The following CHD6 variants were observed in gnomAD, a reference collection of about 807,000 sequenced individuals.
The protein encoded by CHD6 is ATP-dependent chromatin remodeler CHD6.
A neutral mutation model predicts 276.9 loss-of-function variants in CHD6; 50 were observed. That is an observed-to-expected ratio of 0.18 (90% CI 0.14 to 0.23). The LOEUF is 0.23. Among genes scored for constraint, CHD6 ranks in the 10% least tolerant of loss-of-function variants. The pLI is 1.00. For missense variants in CHD6, 2,564 were observed against 3,365.8 expected (o/e 0.76, Z 5.89); for synonymous variants, 1,173 against 1,229.3 (o/e 0.95, Z 0.96).
chr20:41,564,479 T>C (rs918496626), intron 1 of CHD6, among the ~76,000 whole-genome samples: 2 of 152,088 alleles, frequency 1.3e-5, no homozygotes, highest in Non-Finnish European at 2.9e-5. Context: ...AAGGTAAAAT[T>C]GTAGGAACAA....
chr20:41,493,156 G>C (rs2043596475), intron 10 of CHD6, among the ~76,000 whole-genome samples: 1 of 151,988 alleles, frequency 6.6e-6, no homozygotes. Context: ...GAGTGAAGAA[G>C]GGAAAATCAA....
intron 1 of CHD6, among the ~76,000 whole-genome samples, chr20:41,570,509 C>T (rs1262484399): frequency 6.6e-6 from 1 of 152,194 alleles, no homozygotes; most frequent in African/African-American, 2.4e-5. Flanking sequence ...GCTAATTTCA[C>T]CACTTATGCT....
At chr20:41,466,981 C>G (rs1357787801) in intron 17 of CHD6, among the ~76,000 whole-genome samples, 1 of 152,138 alleles carries the variant, frequency 6.6e-6, no homozygotes, top group African/African-American at 2.4e-5. Flanking sequence ...GAGATGGAAC[C>G]AAGAGGCTGT....
intron 1 of CHD6, among the ~76,000 whole-genome samples, chr20:41,589,641 C>T (rs1186585543): frequency 6.6e-6 from 1 of 152,074 alleles, no homozygotes; most frequent in South Asian, 2.1e-4. Flanking sequence ...GAATAAAATA[C>T]CTAGGAATCC....
At chr20:41,419,724 T>C (rs1191622410) in intron 31 of CHD6, among the ~76,000 whole-genome samples, 2 of 152,084 alleles carry the variant, frequency 1.3e-5, no homozygotes, top group East Asian at 3.9e-4. Context: ...AAAGGAGTTG[T>C]TTTTGGTTTT....
intron 1 of CHD6, among the ~76,000 whole-genome samples, chr20:41,564,524 A>G (rs2045335002): frequency 6.6e-6 from 1 of 152,162 alleles, no homozygotes; most frequent in South Asian, 2.1e-4. Flanking sequence ...GGGACAGGAG[A>G]GGGTCAACTA....
rs778124385 is a variant in CHD6, at chr20:41,452,708, T to C, written c.3323+32A>G. ...AAAAACAGAGGGGAACAAACAACAA[T>C]AACAACAAAACTAAGCAGAGCCAAT... On this transcript the variant is annotated intron_variant, in intron 21 of 36. Coordinates refer to ENST00000373233, the MANE Select transcript of CHD6 (RefSeq NM_032221.5). The surrounding 1 kb of genome is among the most constrained non-coding windows in gnomAD (Gnocchi z 4.2). 5 of 1,585,932 alleles carry C rather than the reference T, an allele frequency of 3.2e-6. No individual in the cohort carries two copies. The highest frequency in any genetic ancestry group is 2.0e-4 in the Middle Eastern group (1 of 5,034).
intron 27 of CHD6, among the ~76,000 whole-genome samples, chr20:41,435,401 G>C (rs1457386576): frequency 6.6e-6 from 1 of 151,956 alleles, no homozygotes; most frequent in African/African-American, 2.4e-5. Flanking sequence ...TTCAATACTA[G>C]CCTGGGCAAC....
intron 5 of CHD6, among the ~76,000 whole-genome samples, chr20:41,506,065 A>C (rs146094324): frequency 4.8e-4 from 73 of 152,214 alleles, no homozygotes; most frequent in African/African-American, 1.5e-3. Context: ...CTATCTTCAA[A>C]GTATGTCCAA....
chr20:41,524,124 T>C (rs1456920069), intron 3 of CHD6, among the ~76,000 whole-genome samples: 2 of 152,160 alleles, frequency 1.3e-5, no homozygotes, highest in African/African-American at 2.4e-5. Flanking sequence ...AGCACTGACC[T>C]TCCTATAGGC....
intron 1 of CHD6, among the ~76,000 whole-genome samples, chr20:41,603,963 C>G (rs1365705491): frequency 6.8e-6 from 1 of 146,872 alleles, no homozygotes; most frequent in East Asian, 2.0e-4. Context: ...AAGGCCTTAC[C>G]CTGGGTTCAC....
chr20:41,502,175 T>G (rs1441028449), intron 5 of CHD6, among the ~76,000 whole-genome samples: 1 of 152,166 alleles, frequency 6.6e-6, no homozygotes, highest in African/African-American at 2.4e-5. Context: ...GTGTGCTGTT[T>G]AAGAAATTTG....
intron 18 of CHD6, 137 bp downstream of exon 18, chr20:41,457,127 G>T: frequency 1.0e-6 from 1 of 968,860 alleles, no homozygotes; most frequent in Non-Finnish European, 1.5e-6. Flanking sequence ...CCCTGTTGTA[G>T]GGAATTACCC....
chr20:41,591,293 T>C (rs2045655452), intron 1 of CHD6, among the ~76,000 whole-genome samples: 1 of 151,234 alleles, frequency 6.6e-6, no homozygotes, highest in South Asian at 2.1e-4. Context: ...CACACCAACA[T>C]GGCACATGTA....
chr20:41,544,615 T>C (rs2045005019), intron 2 of CHD6, among the ~76,000 whole-genome samples: 1 of 151,328 alleles, frequency 6.6e-6, no homozygotes, highest in South Asian at 2.1e-4. Context: ...GCAATTTAAA[T>C]ATTAAATTTT....
chr20:41,599,851 C>T (rs6102491), intron 1 of CHD6, among the ~76,000 whole-genome samples: 13 of 152,088 alleles, frequency 8.5e-5, no homozygotes, highest in South Asian at 8.3e-4. Context: ...TCTCCCTTCC[C>T]GCCTAATTGG....
Position 41,404,727 on chromosome 20 carries a change from C to A in CHD6, c.8014G>T (p.Ala2672Ser). The A allele has an allele frequency of 6.2e-7, 1 of 1,602,340 alleles. No individual in the cohort carries two copies. The highest frequency in any genetic ancestry group is 8.5e-7 in the Non-Finnish European group (1 of 1,174,000). The change falls in exon 37 of 37, where the codon GCT becomes TCT. Residue 2672 changes from alanine to serine, a missense_variant. Physicochemically the swap from Ala to Ser is moderately conservative, Grantham distance 99. Around this residue, in one of 7 missense-constraint regions of CHD6, gnomAD observed 238 missense variants for 266.0 expected, o/e 0.89. Coordinates refer to ENST00000373233, the MANE Select transcript of CHD6 (RefSeq NM_032221.5). ...GDNPNSHPEPAPSCEREPSGD... is the reference protein window; with the variant it reads ...GDNPNSHPEPSPSCEREPSGD... ...CTGGGCTCCCTTTCACAGCTGGGAGCAGGCTCTGGGTGGGAGTTGGGGTTG... is the reference window on the plus strand; with the variant it reads ...CTGGGCTCCCTTTCACAGCTGGGAGAAGGCTCTGGGTGGGAGTTGGGGTTG...
intron 1 of CHD6, among the ~76,000 whole-genome samples, chr20:41,598,005 G>A (rs918090986): frequency 2.6e-5 from 4 of 152,060 alleles, no homozygotes; most frequent in Non-Finnish European, 5.9e-5. Flanking sequence ...GCCATAGCTG[G>A]TCCAATGTTC....
At chr20:41,543,930 CCAAGGATGAAT>C (rs1314194845) in intron 2 of CHD6, among the ~76,000 whole-genome samples, 2 of 152,016 alleles carry the variant, frequency 1.3e-5, no homozygotes, top group African/African-American at 2.4e-5. Context: ...GCTAGTTTTC[CCAAGGATGAAT>C]CAAAGTTATG....
Sources: gnomAD v4.1 joint callset for allele counts (sites outside exome capture counted in the v4.1 genomes callset) on GRCh38, gnomAD v4.1.1 for gene constraint, gnomAD v4.1.1 regional missense constraint, Gnocchi (gnomAD v3.1) non-coding constraint, MANE v1.5 for transcripts, NCBI Gene and HGNC (gene_info 2026-07-23, HGNC 2026-07-21) for gene names.